CCDC171: variants seen among roughly 807,000 people sequenced by gnomAD.
The protein encoded by CCDC171 is coiled-coil domain-containing protein 171.
Under a neutral mutation model 168.2 loss-of-function variants are expected in CCDC171, and 177 were observed. The observed-to-expected ratio is 1.05, with a 90% CI of 0.93 to 1.19. The LOEUF is 1.19. Ranked by LOEUF, CCDC171 falls within the 50% of genes most tolerant of loss-of-function variation. CCDC171 has a pLI of 0.00. For synonymous variants in CCDC171, 687 were observed against 540.8 expected, an observed-to-expected ratio of 1.27 and a Z score of -3.75; for missense variants, 1,991 against 1,539.0, an observed-to-expected ratio of 1.29 and a Z score of -4.91.
At chr9:15,917,422 A>G (rs2131944527) in intron 24 of CCDC171, among the ~76,000 whole-genome samples, 1 of 151,868 alleles carries the variant, frequency 6.6e-6, no homozygotes, top group East Asian at 1.9e-4. Flanking sequence ...ATACTACTTT[A>G]AGAGAGTTGG....
At chr9:15,599,094 CTT>C (rs1284903338) in intron 6 of CCDC171, among the ~76,000 whole-genome samples, 3 of 152,154 alleles carry the variant, frequency 2.0e-5, no homozygotes, top group African/African-American at 7.2e-5. Context: ...GGCCTTGACT[CTT>C]TATCCAATTT....
intron 24 of CCDC171, chr9:15,874,880 T>C (rs1036702072): frequency 2.6e-6 from 1 of 377,586 alleles, no homozygotes; most frequent in Non-Finnish European, 4.4e-6. Context: ...TCCAGAAAAG[T>C]GTTTTTACCA....
chr9:15,788,352 T>C (rs1726827240), intron 21 of CCDC171, among the ~76,000 whole-genome samples: 1 of 152,220 alleles, frequency 6.6e-6, no homozygotes, highest in Non-Finnish European at 1.5e-5. Context: ...AAGTGTATAC[T>C]TGTTAAATAT....
chr9:15,589,766 A>G (rs2041848429), intron 4 of CCDC171, among the ~76,000 whole-genome samples: 1 of 152,224 alleles, frequency 6.6e-6, no homozygotes, highest in East Asian at 1.9e-4. Context: ...GAAGCACTGG[A>G]AGATGAAGAT....
chr9:15,978,648 G>A (rs1242410027), downstream of CCDC171, among the ~76,000 whole-genome samples: 2 of 152,108 alleles, frequency 1.3e-5, no homozygotes, highest in African/African-American at 4.8e-5. Flanking sequence ...CCTTTGACTA[G>A]ATTTATCTGC....
At chr9:15,666,130 G>A (rs1449375407) in intron 8 of CCDC171, 33 bp from the exon 9 acceptor site, 2 of 1,599,890 alleles carry the variant, frequency 1.3e-6, no homozygotes, top group African/African-American at 2.7e-5. Context: ...GCATTTCTTA[G>A]CTTGATTTAA....
chr9:15,628,678 G>A (rs1052857312), intron 7 of CCDC171, among the ~76,000 whole-genome samples: 3 of 152,166 alleles, frequency 2.0e-5, no homozygotes, highest in South Asian at 2.1e-4. Flanking sequence ...AGAGAGCAGC[G>A]GTTCTCCCAG....
intron 7 of CCDC171, among the ~76,000 whole-genome samples, chr9:15,630,163 A>G (rs929134451): frequency 6.6e-6 from 1 of 152,232 alleles, no homozygotes; most frequent in African/African-American, 2.4e-5. Context: ...ACAGGATCAA[A>G]TTCACACATA....
chr9:15,669,689 A>C (rs911998396), intron 9 of CCDC171, among the ~76,000 whole-genome samples: 4 of 152,168 alleles, frequency 2.6e-5, no homozygotes, highest in East Asian at 3.8e-4. Flanking sequence ...GATCATAGTA[A>C]TCCTTAGGTA....
chr9:15,584,930 C>T (rs561904137), intron 4 of CCDC171, among the ~76,000 whole-genome samples: 2 of 152,224 alleles, frequency 1.3e-5, no homozygotes, highest in East Asian at 3.9e-4. Flanking sequence ...TGCTCAGAGT[C>T]AAACAATTTC....
At chr9:15,668,531 G>C (rs923133983) in intron 9 of CCDC171, among the ~76,000 whole-genome samples, 1 of 151,946 alleles carries the variant, frequency 6.6e-6, no homozygotes, top group African/African-American at 2.4e-5. Context: ...TTCTTCATCT[G>C]TATATAACTG....
intron 20 of CCDC171, among the ~76,000 whole-genome samples, chr9:15,781,477 G>A (rs2057663891): frequency 6.6e-6 from 1 of 152,144 alleles, no homozygotes; most frequent in African/African-American, 2.4e-5. Context: ...GAGTGCAGTG[G>A]TACGATCTCA....
intron 20 of CCDC171, among the ~76,000 whole-genome samples, chr9:15,782,619 G>T (rs1176231951): frequency 2.6e-5 from 4 of 152,124 alleles, no homozygotes; most frequent in Admixed American, 2.6e-4. Context: ...AGGACAGAAT[G>T]GTCTCATGGC....
At chr9:15,786,196 A>G (rs1398526317) in intron 21 of CCDC171, among the ~76,000 whole-genome samples, 1 of 152,156 alleles carries the variant, frequency 6.6e-6, no homozygotes, top group Non-Finnish European at 1.5e-5. Flanking sequence ...AACCTAATGC[A>G]TATTATTTTT....
intron 18 of CCDC171, among the ~76,000 whole-genome samples, chr9:15,754,557 A>G (rs562052610): frequency 3.9e-5 from 6 of 152,116 alleles, no homozygotes; most frequent in Non-Finnish European, 8.8e-5. Flanking sequence ...ATACATTTTC[A>G]GGCTACTAAT....
intron 16 of CCDC171, among the ~76,000 whole-genome samples, chr9:15,732,854 T>C (rs1294885336): frequency 6.6e-6 from 1 of 152,174 alleles, no homozygotes; most frequent in Non-Finnish European, 1.5e-5. Context: ...TATATGGTTA[T>C]ATGGTAAGTG....
At chr9:15,894,158 T>C (rs1400012732) in intron 24 of CCDC171, among the ~76,000 whole-genome samples, 1 of 152,148 alleles carries the variant, frequency 6.6e-6, no homozygotes, top group Non-Finnish European at 1.5e-5. Context: ...CCATTATCCT[T>C]AACAAACTAA....
At chr9:15,836,146 C>T (rs866478036) in intron 21 of CCDC171, among the ~76,000 whole-genome samples, 2 of 151,912 alleles carry the variant, frequency 1.3e-5, no homozygotes, top group African/African-American at 2.4e-5. Flanking sequence ...TATTAAATTG[C>T]CAAATGTAGA....
chr9:15,727,787 A>ACT, intron 14 of CCDC171, 82 bp from the exon 15 acceptor site: 1 of 1,033,250 alleles, frequency 9.7e-7, no homozygotes, highest in South Asian at 2.6e-5. Flanking sequence ...TTTTAAATTA[A>ACT]CTCTTCACCA....
Sources: gnomAD v4.1 joint callset for allele counts (sites outside exome capture counted in the v4.1 genomes callset) on GRCh38, gnomAD v4.1.1 for gene constraint, MANE v1.5 for transcripts, NCBI Gene and HGNC (gene_info 2026-07-23, HGNC 2026-07-21) for gene names.